The following EYS variants were observed in gnomAD, a reference collection of about 807,000 sequenced individuals.
EYS encodes EGF-like photoreceptor maintenance factor, also known as protein eyes shut homolog.
In EYS, 250 loss-of-function variants were observed where a neutral mutation model predicts 282.1. That is an observed-to-expected ratio of 0.89 (90% CI 0.80 to 0.98). The LOEUF is 0.98. Ranked by LOEUF, EYS falls within the 50% of genes least tolerant of loss-of-function variation. EYS has a pLI of 0.00. For missense variants in EYS, 4,016 were observed against 3,709.0 expected, an observed-to-expected ratio of 1.08 and a Z score of -2.15; for synonymous variants, 1,355 against 1,282.9, an observed-to-expected ratio of 1.06 and a Z score of -1.20.
At chr6:64,428,996 A>G (rs1341410368) in intron 28 of EYS, among the ~76,000 whole-genome samples, 1 of 152,076 alleles carries the variant, frequency 6.6e-6, no homozygotes, top group Admixed American at 6.6e-5. Context: ...AAAACTCTTG[A>G]GGTCCAGACG....
chr6:65,482,655 C>A (rs558572913), intron 5 of EYS, among the ~76,000 whole-genome samples: 2 of 152,172 alleles, frequency 1.3e-5, no homozygotes, highest in Non-Finnish European at 2.9e-5. Flanking sequence ...TCTGTCTACC[C>A]TCTGATCTAA....
chr6:63,981,525 C>T (rs1382220082), intron 35 of EYS, among the ~76,000 whole-genome samples: 1 of 151,788 alleles, frequency 6.6e-6, no homozygotes, highest in African/African-American at 2.4e-5. Flanking sequence ...GAGCTGAGCA[C>T]CGGCAATCAA....
chr6:64,794,640 G>A (rs1023157238), intron 22 of EYS, among the ~76,000 whole-genome samples: 4 of 152,158 alleles, frequency 2.6e-5, no homozygotes, highest in African/African-American at 9.7e-5. Context: ...ATAGTAGTAT[G>A]AGAATGGACT....
At chr6:65,172,564 C>A (rs548496937) in intron 12 of EYS, among the ~76,000 whole-genome samples, 4 of 151,152 alleles carry the variant, frequency 2.6e-5, no homozygotes, top group Non-Finnish European at 4.4e-5. Flanking sequence ...AAAACATGTA[C>A]CAAATTTATA....
chr6:63,904,447 G>C (rs1425407535), intron 35 of EYS, among the ~76,000 whole-genome samples: 2 of 152,132 alleles, frequency 1.3e-5, no homozygotes, highest in Non-Finnish European at 2.9e-5. Context: ...ATAGGTTAGG[G>C]TTCAATATAC....
At chr6:65,243,575 T>C (rs1767106697) in intron 12 of EYS, among the ~76,000 whole-genome samples, 1 of 152,218 alleles carries the variant, frequency 6.6e-6, no homozygotes, top group Non-Finnish European at 1.5e-5. Context: ...CCCTTTTTTG[T>C]ATGCCATTTA....
At chr6:64,174,097 C>G (rs909490952) in intron 31 of EYS, among the ~76,000 whole-genome samples, 6 of 152,122 alleles carry the variant, frequency 3.9e-5, no homozygotes, top group African/African-American at 1.4e-4. Flanking sequence ...ATTCCACTTA[C>G]ATGGGGCATC....
rs1486014693 is a variant in EYS, at chr6:64,649,263, GC to G, written c.3444-23019del. The stretch of plus-strand genomic sequence containing the variant: ...GCCACTATTTAATTTTGAATTATAA[GC>G]ATATTTGTTAAATCCATACTTGTAA... On this transcript the variant is annotated intron_variant, in intron 22 of 42. Coordinates refer to ENST00000503581, the MANE Select transcript of EYS (RefSeq NM_001142800.2). Among the ~76,000 whole-genome samples the G allele has an allele frequency of 2.0e-5, 3 of 152,036 alleles. No homozygotes were observed. The East Asian group carries it at 5.8e-4, about 29-fold the overall frequency.
intron 26 of EYS, among the ~76,000 whole-genome samples, chr6:64,484,958 C>G (rs939026310): frequency 1.3e-5 from 2 of 151,542 alleles, no homozygotes; most frequent in Non-Finnish European, 3.0e-5. Flanking sequence ...GAGGTATCCA[C>G]TAGATATGAT....
chr6:64,398,583 A>T (rs1336010394), intron 28 of EYS, among the ~76,000 whole-genome samples: 2 of 151,878 alleles, frequency 1.3e-5, no homozygotes, highest in Non-Finnish European at 2.9e-5. Flanking sequence ...AAATATACAG[A>T]CATCCAAACA....
At chr6:63,960,983 C>A (rs1766032561) in intron 35 of EYS, among the ~76,000 whole-genome samples, 2 of 152,318 alleles carry the variant, frequency 1.3e-5, no homozygotes, top group Middle Eastern at 3.4e-3. Flanking sequence ...AACCACCTAC[C>A]TACCTGTATG....
Position 64,992,403 on chromosome 6 carries a change from TTAATC to T in EYS, c.2259+5174_2259+5178del, listed in dbSNP as rs550021926. The stretch of plus-strand genomic sequence containing the variant: ...TAAGTTCTCTAAGCTTACAAGTTGT[TTAATC>T]TAATAAAAATAAAAAAAGTTAAGAA... On this transcript the variant is annotated intron_variant, in intron 14 of 42. Transcript: ENST00000503581. Among the ~76,000 whole-genome samples the T allele has an allele frequency of 5.1e-4, 77 of 151,958 alleles. 1 individual carries two copies. The East Asian group carries it at 0.011, about 23-fold the overall frequency.
intron 29 of EYS, among the ~76,000 whole-genome samples, chr6:64,324,457 C>A (rs534017886): frequency 1.3e-5 from 2 of 152,218 alleles, no homozygotes; most frequent in Admixed American, 6.5e-5. Flanking sequence ...AAACCTTCAA[C>A]GAACTAGGCA....
intron 31 of EYS, among the ~76,000 whole-genome samples, chr6:64,227,469 G>C (rs1208392472): frequency 6.6e-6 from 1 of 151,896 alleles, no homozygotes; most frequent in Non-Finnish European, 1.5e-5. Context: ...AATATAGCAT[G>C]GTGGTTAAAT....
chr6:65,442,989 C>T (rs542190785), intron 5 of EYS, among the ~76,000 whole-genome samples: 1 of 110,492 alleles, frequency 9.1e-6, no homozygotes, highest in Admixed American at 1.1e-4. Context: ...TACATATGTG[C>T]GTATATGTAT....
At chr6:64,677,245 T>G (rs1769721738) in intron 22 of EYS, among the ~76,000 whole-genome samples, 1 of 152,202 alleles carries the variant, frequency 6.6e-6, no homozygotes, top group Non-Finnish European at 1.5e-5. Flanking sequence ...TAGTGTTATT[T>G]TTTAACCAGG....
chr6:64,886,826 C>T lies in EYS; in HGVS notation c.2863G>A (p.Glu955Lys). 3 of 1,524,250 alleles carry T rather than the reference C, an allele frequency of 2.0e-6. No homozygotes were observed. The highest frequency in any genetic ancestry group is 2.6e-6 in the Non-Finnish European group (3 of 1,136,052). The allele number at this position is 1,524,250 out of a possible 1,614,324, so 94.4% of individuals were successfully genotyped here. ...DLTNRFFCNC[E>K]PEYHGPFCEL... ...CAGAAGGGCCCATGGTACTCAGGTT[C>T]ACAATTACAAAAAAATCTGGAGAAA... Residue 955 changes from glutamate to lysine, a missense_variant, in exon 19 of 43, where the codon GAA (glutamate) becomes AAA (lysine). By Grantham distance (56) the Glu-to-Lys change is moderately conservative (BLOSUM62 1). Transcript: ENST00000503581.
At chr6:65,122,815 T>C (rs1433905125) in intron 12 of EYS, among the ~76,000 whole-genome samples, 2 of 152,048 alleles carry the variant, frequency 1.3e-5, no homozygotes, top group Non-Finnish European at 2.9e-5. Flanking sequence ...AGAAATAAAA[T>C]GAAAATAATA....
chr6:64,656,499 T>C (rs115933183), intron 22 of EYS, among the ~76,000 whole-genome samples: 1,665 of 152,262 alleles, frequency 0.011, 35 homozygotes, highest in African/African-American at 0.038. Flanking sequence ...TGAGTAGAAG[T>C]AGTTTTTTAG....
Sources: allele counts gnomAD v4.1 joint callset (sites outside exome capture counted in the v4.1 genomes callset), GRCh38; gene constraint gnomAD v4.1.1; transcripts MANE v1.5; gene names NCBI Gene and HGNC (gene_info 2026-07-23, HGNC 2026-07-21).